The following LAMA4 variants were observed in gnomAD, a reference collection of about 807,000 sequenced individuals.
LAMA4 encodes laminin subunit alpha 4.
A neutral mutation model predicts 207.1 loss-of-function variants in LAMA4; 127 were observed. That is an observed-to-expected ratio of 0.61 (90% CI 0.53 to 0.71). LAMA4 has a LOEUF of 0.71. Among genes scored for constraint, LAMA4 ranks in the 30% least tolerant of loss-of-function variants. The probability of loss-of-function intolerance (pLI) is 0.00; values close to 1 mark genes in which losing one functional copy is unlikely to be tolerated. For missense variants in LAMA4, 2,093 were observed against 2,246.5 expected (o/e 0.93, Z 1.38); for synonymous variants, 761 against 816.0 (o/e 0.93, Z 1.15).
chr6:112,241,128 A>C (rs1414198367), intron 2 of LAMA4, among the ~76,000 whole-genome samples: 3 of 103,776 alleles, frequency 2.9e-5, no homozygotes, highest in Admixed American at 9.7e-5. Flanking sequence ...TATATATATG[A>C]ATATATAGGA....
At chr6:112,149,669 G>A (rs1554335338) in intron 17 of LAMA4, among the ~76,000 whole-genome samples, 1 of 152,114 alleles carries the variant, frequency 6.6e-6, no homozygotes, top group East Asian at 1.9e-4. Context: ...ACCCAGTGTT[G>A]GCTATTTCTT....
intron 9 of LAMA4, chr6:112,179,798 G>T: frequency 2.6e-6 from 1 of 391,622 alleles, no homozygotes. Context: ...CCTCCCTACA[G>T]AGCAAGGCTC....
intron 5 of LAMA4, 99 bp from the exon 6 acceptor site, chr6:112,191,949 T>A: frequency 1.0e-6 from 1 of 997,862 alleles, no homozygotes; most frequent in Non-Finnish European, 1.5e-6. Flanking sequence ...GGATATTTAT[T>A]GATTTCCCTC....
intron 31 of LAMA4, among the ~76,000 whole-genome samples, chr6:112,128,312 T>C (rs920594379): frequency 4.5e-4 from 68 of 152,140 alleles, no homozygotes; most frequent in East Asian, 1.9e-4. Flanking sequence ...GAGGACATTA[T>C]GTTAAGTGAA....
chr6:112,111,522 G>C (rs1777695566), intron 38 of LAMA4, among the ~76,000 whole-genome samples: 1 of 152,084 alleles, frequency 6.6e-6, no homozygotes, highest in African/African-American at 2.4e-5. Flanking sequence ...GTTTTATTTA[G>C]CCTAATTTCT....
At chr6:112,216,703 C>G (rs978699589) in intron 2 of LAMA4, 1 of 518,228 alleles carries the variant, frequency 1.9e-6, no homozygotes, top group South Asian at 2.0e-5. Context: ...TTTCACTTTT[C>G]AGGAGAACAG....
chr6:112,180,823 A>C (rs1422151138), intron 9 of LAMA4, among the ~76,000 whole-genome samples: 1 of 152,144 alleles, frequency 6.6e-6, no homozygotes, highest in Non-Finnish European at 1.5e-5. Context: ...AATAGTAGGA[A>C]TATTGGTGTG....
intron 5 of LAMA4, among the ~76,000 whole-genome samples, chr6:112,192,778 C>T (rs1026576908): frequency 1.2e-4 from 19 of 152,362 alleles, no homozygotes; most frequent in African/African-American, 4.6e-4. Flanking sequence ...TTTCCCAAAG[C>T]TGCCGTGCAG....
intron 14 of LAMA4, chr6:112,157,883 A>G (rs557200008): frequency 6.6e-6 from 1 of 152,352 alleles, no homozygotes; most frequent in South Asian, 2.1e-4. Context: ...AAGATTTTAT[A>G]TGACCTCTCT....
chr6:112,194,114 G>A lies in LAMA4; in HGVS notation c.504-2264C>T, dbSNP rs1464967308. ...GCACCTCAGATTTATAGGCCTGCAGGTCCCTAAGCCAGCATAAATTATTCC... is the reference window on the plus strand; with the variant it reads ...GCACCTCAGATTTATAGGCCTGCAGATCCCTAAGCCAGCATAAATTATTCC... On this transcript the variant is annotated intron_variant, in intron 5 of 38. Coordinates refer to ENST00000230538, the MANE Select transcript of LAMA4 (RefSeq NM_001105206.3). 2.0e-5 allele frequency among the ~76,000 whole-genome samples: 3 copies of A among 152,158 alleles called. No individual in the cohort carries two copies. The East Asian group carries it at 5.8e-4, about 29-fold the overall frequency.
chr6:112,110,318 A>G (rs1777624262), intron 38 of LAMA4, among the ~76,000 whole-genome samples: 1 of 152,258 alleles, frequency 6.6e-6, no homozygotes, highest in Admixed American at 6.5e-5. Context: ...TTAGAAATAT[A>G]AAATTAAAAT....
intron 14 of LAMA4, among the ~76,000 whole-genome samples, chr6:112,157,436 G>A (rs1780784274): frequency 6.6e-6 from 1 of 152,134 alleles, no homozygotes; most frequent in Non-Finnish European, 1.5e-5. Context: ...GTAAATCATT[G>A]TGTACACCAG....
chr6:112,244,817 T>C (rs1316868423), intron 2 of LAMA4, among the ~76,000 whole-genome samples: 1 of 152,228 alleles, frequency 6.6e-6, no homozygotes, highest in African/African-American at 2.4e-5. Context: ...TAGATTTATG[T>C]AACCAATAAT....
chr6:112,216,340 G>A (rs370199507), intron 3 of LAMA4, 28 bp downstream of exon 3: 18 of 1,405,770 alleles, frequency 1.3e-5, no homozygotes, highest in African/African-American at 7.1e-5. Context: ...AGTGAAGTAC[G>A]TGAAGTGTTA....
At chr6:112,218,385 C>T (rs897587562) in intron 2 of LAMA4, 23 of 152,086 alleles carry the variant, frequency 1.5e-4, no homozygotes, top group African/African-American at 4.8e-4. Flanking sequence ...AAAAAGCTCC[C>T]CAAAGACTCT....
At position 112,128,993 on chromosome 6, in the gene LAMA4, A is replaced by T. The variant is rs781905270; in HGVS notation, c.4216T>A (p.Ser1406Thr). The T allele has an allele frequency of 8.1e-6, 13 of 1,612,328 alleles. No homozygotes were observed. The highest frequency in any genetic ancestry group is 1.1e-5 in the Non-Finnish European group (13 of 1,178,538). Reference protein sequence around the residue: ...HTSLYECPIESSPLFLLHKKG... With the variant: ...HTSLYECPIETSPLFLLHKKG... Reference sequence around the variant, plus strand: ...TTATGGAGGAGAAACAATGGTGAAGACTCAATGGGACACTCATAAAGAGAA... The same window carrying T: ...TTATGGAGGAGAAACAATGGTGAAGTCTCAATGGGACACTCATAAAGAGAA... The change falls in exon 31 of 39, where the codon TCT becomes ACT. Residue 1406 changes from serine (S) to threonine (T), a missense_variant. Physicochemically the swap from Ser to Thr is moderately conservative, Grantham distance 58. This residue lies in a region of LAMA4 where 1,704 missense variants were observed against 1,788.4 expected (regional missense o/e 0.95). Coordinates refer to ENST00000230538, the MANE Select transcript of LAMA4 (RefSeq NM_001105206.3).
At chr6:112,214,830 T>C (rs1784537219) in intron 3 of LAMA4, among the ~76,000 whole-genome samples, 1 of 152,168 alleles carries the variant, frequency 6.6e-6, no homozygotes, top group African/African-American at 2.4e-5. Flanking sequence ...CACCACTAGG[T>C]CAGAGATAAA....
chr6:112,212,680 A>T (rs567935347), intron 3 of LAMA4, among the ~76,000 whole-genome samples: 1 of 152,238 alleles, frequency 6.6e-6, no homozygotes, highest in African/African-American at 2.4e-5. Flanking sequence ...AAAATTTCAA[A>T]TTTTTCCAGG....
chr6:112,218,306 T>C (rs201602155), intron 2 of LAMA4: 3 of 152,132 alleles, frequency 2.0e-5, no homozygotes, highest in Admixed American at 1.3e-4. Context: ...ATCTGCATTT[T>C]AAAAAATAAC....
Sources: gnomAD v4.1 joint callset for allele counts (sites outside exome capture counted in the v4.1 genomes callset) on GRCh38, gnomAD v4.1.1 for gene constraint, gnomAD v4.1.1 regional missense constraint, MANE v1.5 for transcripts, NCBI Gene and HGNC (gene_info 2026-07-23, HGNC 2026-07-21) for gene names.